The following DOP1B variants were observed in gnomAD, a reference collection of about 807,000 sequenced individuals.
DOP1B encodes DOP1 leucine zipper like protein B.
Under a neutral mutation model 233.5 loss-of-function variants are expected in DOP1B, and 174 were observed. The observed-to-expected ratio is 0.75, with a 90% confidence interval of 0.66 to 0.85. The LOEUF (loss-of-function observed/expected upper bound fraction) is 0.85. Among genes scored for constraint, DOP1B ranks in the 40% least tolerant of loss-of-function variants. DOP1B has a pLI of 0.00. For synonymous variants in DOP1B, 1,190 were observed against 1,185.6 expected (o/e 1.00, Z -0.08); for missense variants, 2,652 against 2,846.6 (o/e 0.93, Z 1.56).
chr21:36,288,656 T>C (rs2067516936), intron 33 of DOP1B, 100 bp from the exon 34 acceptor site: 1 of 881,550 alleles, frequency 1.1e-6, no homozygotes. Flanking sequence ...GTCTTATTCA[T>C]TCATTCATAA....
At chr21:36,240,130 C>A (rs2066876572) in intron 18 of DOP1B, among the ~76,000 whole-genome samples, 175 bp downstream of exon 18, 1 of 152,118 alleles carries the variant, frequency 6.6e-6, no homozygotes, top group African/African-American at 2.4e-5. Context: ...GCATTTAGAA[C>A]TATTAGGGAG....
intron 31 of DOP1B, among the ~76,000 whole-genome samples, chr21:36,280,703 A>T (rs2067405395): frequency 1.3e-5 from 2 of 152,140 alleles, no homozygotes; most frequent in Admixed American, 1.3e-4. Flanking sequence ...ATTAAGTATC[A>T]TTAAAGAAAT....
chr21:36,158,811 A>AAG (rs2065843826), intron 1 of DOP1B, among the ~76,000 whole-genome samples: 1 of 134,242 alleles, frequency 7.4e-6, no homozygotes, highest in Non-Finnish European at 1.6e-5. Flanking sequence ...TCAAAAAAAA[A>AAG]AAAAAAAGAA....
intron 13 of DOP1B, among the ~76,000 whole-genome samples, chr21:36,228,661 G>A (rs2066721557): frequency 6.6e-6 from 1 of 151,864 alleles, no homozygotes; most frequent in African/African-American, 2.4e-5. Context: ...AGCTACTCAG[G>A]AGGCTGAGGC....
chr21:36,227,520 C>G (rs1028314753), intron 12 of DOP1B, among the ~76,000 whole-genome samples, 166 bp from the exon 13 acceptor site: 2 of 150,724 alleles, frequency 1.3e-5, no homozygotes, highest in African/African-American at 4.9e-5. Context: ...GCACTCCAGC[C>G]TGGGCTACAG....
Position 36,270,118 on chromosome 21 carries a change from G to C in DOP1B, c.5593G>C (p.Ala1865Pro), listed in dbSNP as rs760453611. ...CCTGGAAGTGAAGGCCCAACCTCAG[G>C]CCTCTCTAGAAGAATCTGATGCTGA... ...RNLEVKAQPQ[A>P]SLEESDAEED... is the part of the protein sequence containing the mutation. The change falls in exon 27 of 37, where the codon GCC (alanine) becomes CCC (proline). Residue 1865 changes from alanine (A) to proline (P), a missense_variant. This residue lies in a region of DOP1B where 2,617 missense variants were observed against 2,794.3 expected (regional missense o/e 0.94). Coordinates refer to ENST00000691173, the MANE Select transcript of DOP1B (RefSeq NM_001320714.2). 1.1e-5 allele frequency: 17 copies of C among 1,614,152 alleles called. No individual in the cohort carries two copies. Among genetic ancestry groups the C allele is most frequent in the Middle Eastern group, 1.6e-4 (1 of 6,062 alleles).
intron 21 of DOP1B, 66 bp downstream of exon 21, chr21:36,248,634 T>A: frequency 6.8e-7 from 1 of 1,467,816 alleles, no homozygotes; most frequent in Non-Finnish European, 9.1e-7. Context: ...AAAATAAATG[T>A]GTATAGGAAA....
chr21:36,163,774 A>AT (rs1340455131), intron 1 of DOP1B, among the ~76,000 whole-genome samples: 2 of 152,232 alleles, frequency 1.3e-5, no homozygotes, highest in Non-Finnish European at 2.9e-5. Flanking sequence ...TACACCAGAC[A>AT]TTACAGCATC....
rs140302792 is a variant in DOP1B, at chr21:36,246,532, G to T, written c.4552G>T (p.Ala1518Ser). 1 of 1,614,176 alleles carries T rather than the reference G, an allele frequency of 6.2e-7. No individual in the cohort carries two copies. Among genetic ancestry groups the T allele is most frequent in the South Asian group, 1.1e-5 (1 of 91,086 alleles). Residue 1518 changes from alanine (A) to serine (S), a missense_variant, in exon 19 of 37, where the codon GCC becomes TCC. Physicochemically the swap from Ala to Ser is moderately conservative, Grantham distance 99. Transcript: ENST00000691173. This position sits in a 1 kb window ranked among gnomAD's most constrained non-coding sequence, Gnocchi z 5.1. The part of the protein sequence containing the change: ...QPAYGYGMHP[A>S]WVSLVTHSLP... ...CGCCTACGGTTACGGCATGCATCCG[G>T]CCTGGGTGAGCTTGGTCACGCATTC...
intron 1 of DOP1B, among the ~76,000 whole-genome samples, chr21:36,163,344 CAAAA>C (rs762277927): frequency 1.9e-5 from 2 of 107,774 alleles, no homozygotes; most frequent in African/African-American, 3.4e-5. Flanking sequence ...GACTCTGTCT[CAAAA>C]AAAAAAAAAA....
intron 5 of DOP1B, among the ~76,000 whole-genome samples, chr21:36,210,954 G>T (rs1309289396): frequency 6.6e-6 from 1 of 152,178 alleles, no homozygotes. Flanking sequence ...ACTGCCACAG[G>T]GCCTGGCCTC....
At chr21:36,200,945 A>C (rs1211556313) in intron 4 of DOP1B, among the ~76,000 whole-genome samples, 1 of 152,096 alleles carries the variant, frequency 6.6e-6, no homozygotes, top group Non-Finnish European at 1.5e-5. Context: ...TTGTGATTTC[A>C]AATTCCTCCC....
chr21:36,190,064 T>C (rs2123451060), intron 2 of DOP1B, among the ~76,000 whole-genome samples: 1 of 149,774 alleles, frequency 6.7e-6, no homozygotes, highest in Admixed American at 6.6e-5. Flanking sequence ...ACACCTGTAA[T>C]CCCAGCACTT....
chr21:36,173,222 A>G (rs186323497), intron 2 of DOP1B, among the ~76,000 whole-genome samples: 308 of 152,266 alleles, frequency 2.0e-3, no homozygotes, highest in African/African-American at 6.5e-3. Context: ...TTTTTAAGGT[A>G]GGTAACTAAA....
rs1329316125 is a variant in DOP1B at position 36,238,718 on chromosome 21, T to C, written c.2876+17T>C. On this transcript the variant is annotated intron_variant, in intron 17 of 36. Coordinates refer to ENST00000691173, the MANE Select transcript of DOP1B (RefSeq NM_001320714.2). Reference sequence around the variant, plus strand: ...CTTTGATAGGTGAGGCGGCCTTCGTTATGATCTACCGTTAACTCACGAGGA... The same window carrying C: ...CTTTGATAGGTGAGGCGGCCTTCGTCATGATCTACCGTTAACTCACGAGGA... 8.7e-6 allele frequency: 14 copies of C among 1,612,964 alleles called. No homozygotes were observed. The highest frequency in any genetic ancestry group is 1.2e-5 in the Non-Finnish European group (14 of 1,179,058).
intron 10 of DOP1B, among the ~76,000 whole-genome samples, chr21:36,220,540 A>G (rs890804168): frequency 6.6e-6 from 1 of 152,074 alleles, no homozygotes; most frequent in Non-Finnish European, 1.5e-5. Context: ...AGACAGGGTC[A>G]CCCAGGCTGG....
At chr21:36,240,353 G>T (rs1485039067) in intron 18 of DOP1B, among the ~76,000 whole-genome samples, 1 of 152,084 alleles carries the variant, frequency 6.6e-6, no homozygotes, top group Non-Finnish European at 1.5e-5. Context: ...GGTGGTACAT[G>T]CCTGTAATCC....
At chr21:36,227,970 G>A in intron 13 of DOP1B, 93 bp downstream of exon 13, 1 of 1,256,870 alleles carries the variant, frequency 8.0e-7, no homozygotes, top group Non-Finnish European at 1.1e-6. Flanking sequence ...GTTAGGATAG[G>A]AATAAAGATG....
intron 32 of DOP1B, among the ~76,000 whole-genome samples, chr21:36,284,751 G>T (rs1467543600): frequency 6.6e-6 from 1 of 151,726 alleles, no homozygotes; most frequent in Non-Finnish European, 1.5e-5. Context: ...GCAATTCTGA[G>T]AAATTATTTC....
Sources: gnomAD v4.1 joint callset for allele counts (sites outside exome capture counted in the v4.1 genomes callset) on GRCh38, gnomAD v4.1.1 for gene constraint, gnomAD v4.1.1 regional missense constraint, Gnocchi (gnomAD v3.1) non-coding constraint, MANE v1.5 for transcripts, NCBI Gene and HGNC (gene_info 2026-07-23, HGNC 2026-07-21) for gene names.